ARCN1: variants seen among roughly 807,000 people sequenced by gnomAD.
ARCN1 encodes the protein archain 1 coat protein complex I subunit delta, also known as coatomer subunit delta.
In ARCN1, 5 loss-of-function variants were observed where a neutral mutation model predicts 60.4. That is an observed-to-expected ratio of 0.08 (90% CI 0.04 to 0.17). The LOEUF (loss-of-function observed/expected upper bound fraction) is 0.17. ARCN1 is among the 10% of genes least tolerant of loss of function. The pLI is 1.00. For synonymous variants in ARCN1, 224 were observed against 220.0 expected (o/e 1.02, Z -0.16); for missense variants, 464 against 626.5 (o/e 0.74, Z 2.77).
chr11:118,583,104 T>C, intron 2 of ARCN1, 75 bp from the exon 3 acceptor site: 1 of 1,504,180 alleles, frequency 6.6e-7, no homozygotes, highest in South Asian at 1.2e-5. Flanking sequence ...ATTTATGTAC[T>C]CTAAAGGATA....
chr11:118,602,542 A>G lies in ARCN1; in HGVS notation c.*1828A>G, dbSNP rs974275037. Reference sequence around the variant, plus strand: ...GTACTGTGCTTGAAGCAGAGCACTCACACATAAATGGCTGTGTGTGGAATT... The same window carrying G: ...GTACTGTGCTTGAAGCAGAGCACTCGCACATAAATGGCTGTGTGTGGAATT... On this transcript the variant is annotated 3_prime_UTR_variant, in exon 10 of 10. Coordinates refer to ENST00000264028, the MANE Select transcript of ARCN1 (RefSeq NM_001655.5). The G allele has an allele frequency of 2.0e-5, 3 of 153,800 alleles. No individual in the cohort carries two copies. Among genetic ancestry groups the G allele is most frequent in the Non-Finnish European group, 4.4e-5 (3 of 68,062 alleles). The allele number at this position is 153,800 out of a possible 1,614,324, so 9.5% of individuals were successfully genotyped here.
intron 2 of ARCN1, 85 bp downstream of exon 2, chr11:118,581,594 T>C: frequency 4.1e-6 from 6 of 1,452,062 alleles, no homozygotes; most frequent in Non-Finnish European, 5.6e-6. Context: ...CAGCTGATGC[T>C]AACCAGTTTG....
intron 5 of ARCN1, among the ~76,000 whole-genome samples, chr11:118,586,288 G>A (rs1170582785): frequency 6.6e-6 from 1 of 152,046 alleles, no homozygotes; most frequent in African/African-American, 2.4e-5. Flanking sequence ...TAGAGACAGA[G>A]TTTTGCCGTG....
intron 9 of ARCN1, 37 bp from the exon 10 acceptor site, chr11:118,600,588 C>G: frequency 6.9e-7 from 1 of 1,459,518 alleles, no homozygotes; most frequent in Non-Finnish European, 9.5e-7. Context: ...GAGACTCAAA[C>G]CTCCTGCTTT....
Position 118,583,841 on chromosome 11 carries a change from T to C in ARCN1, c.480T>C (p.Arg160=), listed in dbSNP as rs782238075. 3.1e-6 allele frequency: 5 copies of C among 1,613,832 alleles called. No individual in the cohort carries two copies. The highest frequency in any genetic ancestry group is 3.4e-6 in the Non-Finnish European group (4 of 1,180,020). Residue 160 remains arginine (R), a synonymous_variant, in exon 4 of 10, where the codon CGT becomes CGC. Transcript: ENST00000264028. Reference sequence around the variant, plus strand: ...AACGTGAAGCTAAGGCTGAGATGCGTCGTAAAGCAAAGGAATTACAACAGG... The same window carrying C: ...AACGTGAAGCTAAGGCTGAGATGCGCCGTAAAGCAAAGGAATTACAACAGG... ...TQEREAKAEM[R]RKAKELQQAR...
chr11:118,599,407 A>G (rs1476463327), intron 9 of ARCN1, among the ~76,000 whole-genome samples: 1 of 151,100 alleles, frequency 6.6e-6, no homozygotes, highest in Non-Finnish European at 1.5e-5. Context: ...ATTATTTTTT[A>G]ACTCATCATT....
intron 1 of ARCN1, among the ~76,000 whole-genome samples, chr11:118,575,584 A>G (rs1264454603): frequency 2.6e-5 from 4 of 152,198 alleles, no homozygotes; most frequent in African/African-American, 9.7e-5. Context: ...TAATAGCTTC[A>G]TATAAATAGA....
chr11:118,576,447 A>AC (rs1250280162), intron 1 of ARCN1, among the ~76,000 whole-genome samples: 4 of 148,486 alleles, frequency 2.7e-5, no homozygotes, highest in Non-Finnish European at 5.9e-5. Context: ...AAAAAAAAAA[A>AC]AACCAAAAAC....
intron 5 of ARCN1, among the ~76,000 whole-genome samples, chr11:118,588,027 G>A (rs905091095): frequency 3.0e-4 from 46 of 152,324 alleles, no homozygotes; most frequent in African/African-American, 8.9e-4. Flanking sequence ...GCTGGGGTAC[G>A]CCACCCTCCT....
intron 8 of ARCN1, among the ~76,000 whole-genome samples, chr11:118,597,026 G>A (rs1272632987): frequency 2.0e-5 from 3 of 152,304 alleles, no homozygotes; most frequent in South Asian, 4.2e-4. Flanking sequence ...GGCCCGCATG[G>A]TGAAACCCCG....
Position 118,600,940 on chromosome 11 carries a change from A to T in ARCN1, c.*226A>T. 1 of 310,884 alleles carries T rather than the reference A, an allele frequency of 3.2e-6. No individual in the cohort carries two copies. The highest frequency in any genetic ancestry group is 5.9e-6 in the Non-Finnish European group (1 of 168,130). 19.3% of individuals were successfully genotyped at this position (310,884 alleles called of 1,614,324 possible). A position where few individuals can be genotyped will look rare whatever the true frequency, so the allele number is the denominator to read the frequency against. On this transcript the variant is annotated 3_prime_UTR_variant, in exon 10 of 10. Transcript: ENST00000264028. The stretch of plus-strand genomic sequence containing the variant: ...ACAAACATAAAGGGAAAGGCTGCTA[A>T]TTTTCTTTGGCAGATTGTATTGGCC...
Position 118,583,842 on chromosome 11 carries a change from C to T in ARCN1, c.481C>T (p.Arg161Cys), listed in dbSNP as rs1938714823. The T allele has an allele frequency of 6.2e-7, 1 of 1,614,060 alleles. No homozygotes were observed. Residue 161 changes from arginine (R) to cysteine (C), a missense_variant, in exon 4 of 10, where the codon CGT (arginine) becomes TGT (cysteine). Transcript: ENST00000264028. ...QEREAKAEMR[R>C]KAKELQQARR... is the part of the protein sequence containing the mutation. ...ACGTGAAGCTAAGGCTGAGATGCGT[C>T]GTAAAGCAAAGGAATTACAACAGGC...
chr11:118,585,589 G>T (rs539845191), intron 5 of ARCN1, among the ~76,000 whole-genome samples: 1 of 151,804 alleles, frequency 6.6e-6, no homozygotes, highest in African/African-American at 2.4e-5. Context: ...ACCCAGGCTG[G>T]AGTACAGTGG....
intron 9 of ARCN1, among the ~76,000 whole-genome samples, chr11:118,598,264 A>T (rs1555077510): frequency 6.6e-6 from 1 of 152,068 alleles, no homozygotes; most frequent in East Asian, 1.9e-4. Context: ...TGGTTTTTTT[A>T]AGGCCTTGCT....
At chr11:118,592,164 T>C (rs1431485677) in intron 6 of ARCN1, among the ~76,000 whole-genome samples, 2 of 152,186 alleles carry the variant, frequency 1.3e-5, no homozygotes, top group Non-Finnish European at 2.9e-5. Context: ...TGACCTTCAA[T>C]GCCCCTCTCA....
chr11:118,578,910 A>G (rs1938588188), intron 1 of ARCN1, among the ~76,000 whole-genome samples: 1 of 145,660 alleles, frequency 6.9e-6, no homozygotes, highest in Non-Finnish European at 1.5e-5. Context: ...TTTTTTTAAT[A>G]AAAAAAGAAA....
chr11:118,573,639 C>A, intron 1 of ARCN1: 1 of 700,912 alleles, frequency 1.4e-6, no homozygotes. Flanking sequence ...TTTAAAACAT[C>A]GTCCAGTGTA....
chr11:118,575,432 G>GTA (rs1938472076), intron 1 of ARCN1, among the ~76,000 whole-genome samples: 1 of 152,038 alleles, frequency 6.6e-6, no homozygotes, highest in Admixed American at 6.6e-5. Flanking sequence ...GTGTGTGTGT[G>GTA]TGTGTTTTAA....
intron 8 of ARCN1, among the ~76,000 whole-genome samples, chr11:118,595,534 A>G (rs7115634): frequency 0.14 from 21,701 of 152,234 alleles, 2,132 homozygotes; most frequent in East Asian, 0.52. Flanking sequence ...TTGAGTTCCA[A>G]TAAGCTTTTG....
Sources: allele counts gnomAD v4.1 joint callset (sites outside exome capture counted in the v4.1 genomes callset), GRCh38; gene constraint gnomAD v4.1.1; transcripts MANE v1.5; gene names NCBI Gene and HGNC (gene_info 2026-07-23, HGNC 2026-07-21).